MORN1: variants seen among roughly 807,000 people sequenced by gnomAD.
The protein encoded by MORN1 is MORN repeat containing 1, also known as MORN repeat-containing protein 1.
MORN1 carries 67 observed loss-of-function variants against 61.9 expected under a neutral mutation model. The observed-to-expected ratio is 1.08, with a 90% CI of 0.89 to 1.33. The LOEUF (loss-of-function observed/expected upper bound fraction) is 1.33. Ranked by LOEUF, MORN1 falls within the 40% of genes most tolerant of loss-of-function variation. MORN1 has a pLI of 0.00. For missense variants in MORN1, 752 were observed against 691.2 expected (o/e 1.09, Z -0.99); for synonymous variants, 301 against 292.0 (o/e 1.03, Z -0.31).
At chr1:2,341,952 A>G (rs574115931) in intron 10 of MORN1, among the ~76,000 whole-genome samples, 11 of 152,306 alleles carry the variant, frequency 7.2e-5, no homozygotes, top group African/African-American at 2.6e-4. Flanking sequence ...CAGAGGAACC[A>G]TTCGTGATGG....
chr1:2,358,819 G>C (rs1641832182), intron 8 of MORN1, 104 bp from the exon 9 acceptor site: 1 of 1,385,098 alleles, frequency 7.2e-7, no homozygotes. Flanking sequence ...AACTCAGCGG[G>C]GCCACATTTG....
intron 7 of MORN1, among the ~76,000 whole-genome samples, chr1:2,373,109 A>C (rs1181605604): frequency 6.6e-6 from 1 of 152,106 alleles, no homozygotes; most frequent in Non-Finnish European, 1.5e-5. Flanking sequence ...TGGTGTCGTC[A>C]CACCGCATCC....
chr1:2,351,028 G>A (rs1280906836), intron 10 of MORN1: 1 of 152,590 alleles, frequency 6.6e-6, no homozygotes, highest in Admixed American at 6.5e-5. Flanking sequence ...GTTTGTGTTT[G>A]TGGCAGGTGG....
At chr1:2,365,860 C>T (rs1402304943) in intron 8 of MORN1, among the ~76,000 whole-genome samples, 1 of 149,014 alleles carries the variant, frequency 6.7e-6, no homozygotes, top group Non-Finnish European at 1.5e-5. Context: ...GAAATAGGAA[C>T]ACTTTTACAC....
intron 12 of MORN1, among the ~76,000 whole-genome samples, chr1:2,335,654 C>T (rs1009120815): frequency 3.3e-5 from 5 of 152,304 alleles, no homozygotes; most frequent in Middle Eastern, 3.4e-3. Flanking sequence ...GAATCCCAAA[C>T]GTCACAGCTT....
intron 2 of MORN1, 36 bp from the exon 3 acceptor site, chr1:2,388,373 G>T: frequency 1.3e-6 from 2 of 1,561,278 alleles, no homozygotes; most frequent in Admixed American, 1.7e-5. Flanking sequence ...CTCAGACAGT[G>T]GTTGGGTTGA....
intron 12 of MORN1, among the ~76,000 whole-genome samples, chr1:2,328,595 G>A (rs545718878): frequency 1.2e-4 from 18 of 152,338 alleles, no homozygotes; most frequent in Admixed American, 3.9e-4. Flanking sequence ...CACGCCCTGC[G>A]GCTTTCTGCA....
intron 8 of MORN1, among the ~76,000 whole-genome samples, chr1:2,360,171 G>C (rs940288783): frequency 2.6e-5 from 4 of 152,180 alleles, no homozygotes; most frequent in African/African-American, 4.8e-5. Flanking sequence ...CTGAGGTCAA[G>C]GTCCTATGGA....
At chr1:2,369,355 G>GAAAAAAAAAAAAAAAAA (rs55703845) in intron 8 of MORN1, among the ~76,000 whole-genome samples, 2 of 80,652 alleles carry the variant, frequency 2.5e-5, no homozygotes, top group Non-Finnish European at 2.2e-5. Context: ...CTCAGTCTCA[G>GAAAAAAAAAAAAAAAAA]AAAAAAAAAA....
intron 10 of MORN1, among the ~76,000 whole-genome samples, chr1:2,342,704 T>C (rs961926102): frequency 1.3e-5 from 2 of 152,032 alleles, no homozygotes; most frequent in Non-Finnish European, 2.9e-5. Context: ...CCACCCAAGA[T>C]CCACGAGGAG....
At chr1:2,325,136 C>CTTCCTTCCT (rs112563477) in intron 12 of MORN1, among the ~76,000 whole-genome samples, 1 of 5,322 alleles carries the variant, frequency 1.9e-4, no homozygotes, top group Non-Finnish European at 3.6e-4. Flanking sequence ...CCTTCCTTCC[C>CTTCCTTCCT]TCCCTCCCTC....
At chr1:2,332,477 A>G in intron 12 of MORN1, 1 of 384,364 alleles carries the variant, frequency 2.6e-6, no homozygotes, top group East Asian at 7.3e-5. Flanking sequence ...TGCTTCTCCC[A>G]TTGTCCCCCT....
At chr1:2,340,948 G>A (rs935783918) in intron 10 of MORN1, among the ~76,000 whole-genome samples, 3 of 152,252 alleles carry the variant, frequency 2.0e-5, no homozygotes, top group African/African-American at 4.8e-5. Flanking sequence ...GGGGCCCATA[G>A]TGCAGACCGT....
chr1:2,354,146 G>A (rs190597444), intron 10 of MORN1, among the ~76,000 whole-genome samples: 2 of 152,276 alleles, frequency 1.3e-5, no homozygotes, highest in Admixed American at 1.3e-4. Flanking sequence ...TTAGTCGGGC[G>A]AGGTGTTAGG....
chr1:2,387,167 C>T lies in MORN1; in HGVS notation c.358+252G>A, dbSNP rs185956982. 1.6e-3 allele frequency: 884 copies of T among 547,054 alleles called. 8 individuals carry two copies. The highest frequency in any genetic ancestry group is 0.015 in the African/African-American group (792 of 53,104). 33.9% of individuals were successfully genotyped at this position (547,054 alleles called of 1,614,324 possible). A position where few individuals can be genotyped will look rare whatever the true frequency, so the allele number is the denominator to read the frequency against. On this transcript the variant is annotated intron_variant, in intron 4 of 13. Transcript: ENST00000378531. Reference sequence around the variant, plus strand: ...AGTGGCCATTTTAACCCCTAAGCCACGGGCGTCTGTTCCGCGGTAGCGGAT... The same window carrying T: ...AGTGGCCATTTTAACCCCTAAGCCATGGGCGTCTGTTCCGCGGTAGCGGAT...
intron 8 of MORN1, chr1:2,363,242 C>G (rs552435900): frequency 6.6e-6 from 1 of 152,122 alleles, no homozygotes; most frequent in Non-Finnish European, 1.5e-5. Flanking sequence ...TAGTATATTA[C>G]ATCTCTTGAA....
chr1:2,358,601 T>G lies in MORN1; in HGVS notation c.860A>C (p.Gln287Pro), dbSNP rs753249420. 1 of 1,614,142 alleles carries G rather than the reference T, an allele frequency of 6.2e-7. No homozygotes were observed. Among genetic ancestry groups the G allele is most frequent in the South Asian group, 1.1e-5 (1 of 91,088 alleles). Residue 287 changes from glutamine to proline, a missense_variant, in exon 9 of 14, where the codon CAG (glutamine) becomes CCG (proline). Transcript: ENST00000378531. ...VDRDNQETLI[Q>P]TPFGFECIPY... ...TGTCACACGTACTCACAATGGGGTC[T>G]GGATGAGTGTCTCTTGGTTGTCTCT... is the stretch of plus-strand genomic sequence containing the variant.
At chr1:2,384,862 G>A (rs564417496) in intron 6 of MORN1, 116 bp downstream of exon 6, 13 of 821,222 alleles carry the variant, frequency 1.6e-5, no homozygotes, top group African/African-American at 3.5e-5. Context: ...TCAGGGAATC[G>A]CAGGGCCTGG....
chr1:2,360,856 G>A (rs1297731949), intron 8 of MORN1, among the ~76,000 whole-genome samples: 2 of 152,182 alleles, frequency 1.3e-5, no homozygotes, highest in Non-Finnish European at 2.9e-5. Context: ...GGAAGCGGGG[G>A]CAAGCTTTCA....
Sources: allele counts gnomAD v4.1 joint callset (sites outside exome capture counted in the v4.1 genomes callset), GRCh38; gene constraint gnomAD v4.1.1; transcripts MANE v1.5; gene names NCBI Gene and HGNC (gene_info 2026-07-23, HGNC 2026-07-21).